The following STX8 variants were observed in gnomAD, a reference collection of about 807,000 sequenced individuals.
The protein encoded by STX8 is syntaxin-8.
A neutral mutation model predicts 37.5 loss-of-function variants in STX8; 23 were observed. That is an observed-to-expected ratio of 0.61 (90% confidence interval 0.44 to 0.87). STX8 has a LOEUF of 0.87. Ranked by LOEUF, STX8 falls within the 40% of genes least tolerant of loss-of-function variation. The pLI is 0.00. For missense variants in STX8, 313 were observed against 284.7 expected (o/e 1.10, Z -0.71); for synonymous variants, 115 against 99.1 (o/e 1.16, Z -0.95).
At chr17:9,375,063 CA>C (rs58594029) in intron 7 of STX8, among the ~76,000 whole-genome samples, 13,486 of 65,696 alleles carry the variant, frequency 0.21, 262 homozygotes, top group Non-Finnish European at 0.26. Context: ...GACTCTGTCT[CA>C]AAAAAAAAAA....
chr17:9,414,494 T>C (rs553153732), intron 6 of STX8, among the ~76,000 whole-genome samples: 1 of 152,306 alleles, frequency 6.6e-6, no homozygotes, highest in Non-Finnish European at 1.5e-5. Context: ...ACTTACCTCA[T>C]TGCAAACTGG....
At chr17:9,378,987 A>G (rs112500515) in intron 6 of STX8, among the ~76,000 whole-genome samples, 2,002 of 152,260 alleles carry the variant, frequency 0.013, 42 homozygotes, top group African/African-American at 0.046. Context: ...GCTCACGCCT[A>G]TAATCCCAGC....
At chr17:9,322,356 A>G (rs191341697) in intron 7 of STX8, among the ~76,000 whole-genome samples, 193 of 152,338 alleles carry the variant, frequency 1.3e-3, no homozygotes, top group African/African-American at 4.6e-3. Context: ...TTTCCTTTTG[A>G]AAGCACTAGG....
In STX8 at chr17:9,456,562, C is replaced by T. The variant is rs1891613151; in HGVS notation, c.541+35267G>A. On this transcript the variant is annotated intron_variant, in intron 6 of 7. Coordinates refer to ENST00000306357, the MANE Select transcript of STX8 (RefSeq NM_004853.3). The stretch of plus-strand genomic sequence containing the variant: ...TGGAAAAAGAGTCTATGTTTCCCTT[C>T]ATTTCTTCCTCTGCTTGAGCCATCC... 2.0e-5 allele frequency among the ~76,000 whole-genome samples: 3 copies of T among 152,170 alleles called. No individual in the cohort carries two copies. In the South Asian group the frequency reaches 6.2e-4, roughly 32 times the overall value.
At chr17:9,546,205 A>G (rs1301110276) in intron 3 of STX8, among the ~76,000 whole-genome samples, 1 of 152,226 alleles carries the variant, frequency 6.6e-6, no homozygotes, top group East Asian at 1.9e-4. Context: ...TACAAAGAGA[A>G]TCATTTTAAT....
intron 4 of STX8, among the ~76,000 whole-genome samples, chr17:9,534,759 G>A (rs538092409): frequency 3.3e-5 from 5 of 152,076 alleles, no homozygotes; most frequent in Admixed American, 3.3e-4. Flanking sequence ...CTGCACTCCA[G>A]CCTGGCGACA....
intron 6 of STX8, among the ~76,000 whole-genome samples, chr17:9,454,249 C>T (rs1311192729): frequency 1.3e-5 from 2 of 152,156 alleles, no homozygotes; most frequent in African/African-American, 4.8e-5. Flanking sequence ...AAGAGGGCTA[C>T]CAAATGACTC....
At chr17:9,317,197 AAG>A (rs1197922819) in intron 7 of STX8, among the ~76,000 whole-genome samples, 3 of 152,162 alleles carry the variant, frequency 2.0e-5, no homozygotes, top group Non-Finnish European at 2.9e-5. Flanking sequence ...TGGTGAAAGA[AAG>A]AGCTCTATAC....
chr17:9,330,491 T>G (rs955486883), intron 7 of STX8, among the ~76,000 whole-genome samples: 2 of 152,198 alleles, frequency 1.3e-5, no homozygotes, highest in African/African-American at 4.8e-5. Context: ...TAGTCCATCC[T>G]TGCGATGTAT....
chr17:9,552,258 CTT>C (rs1283427823), intron 3 of STX8, among the ~76,000 whole-genome samples: 2 of 152,198 alleles, frequency 1.3e-5, no homozygotes, highest in Non-Finnish European at 1.5e-5. Flanking sequence ...AGGAGGATCT[CTT>C]GAGGCCAGGA....
Position 9,504,043 on chromosome 17 carries a change from C to A in STX8, c.448+995G>T, listed in dbSNP as rs556187727. On this transcript the variant is annotated intron_variant, in intron 5 of 7. Coordinates refer to ENST00000306357, the MANE Select transcript of STX8 (RefSeq NM_004853.3). ...CCTCCCAAAGTGCTGGGATTACAGG[C>A]GTGAGCCACCACACCCAGCCGACAC... 2.0e-5 allele frequency among the ~76,000 whole-genome samples: 3 copies of A among 152,104 alleles called. No individual in the cohort carries two copies. The South Asian group carries it at 6.2e-4, about 32-fold the overall frequency.
chr17:9,516,174 T>C (rs970598336), intron 4 of STX8, among the ~76,000 whole-genome samples: 2 of 151,548 alleles, frequency 1.3e-5, no homozygotes, highest in African/African-American at 4.8e-5. Context: ...AACTTAATGT[T>C]GGAACCAGTC....
intron 4 of STX8, among the ~76,000 whole-genome samples, chr17:9,534,457 T>G (rs527883423): frequency 6.6e-6 from 1 of 152,292 alleles, no homozygotes; most frequent in Admixed American, 6.5e-5. Context: ...TTCTCTCTTT[T>G]GGAATTACAT....
intron 6 of STX8, among the ~76,000 whole-genome samples, chr17:9,406,841 G>A (rs970658195): frequency 6.6e-6 from 1 of 152,106 alleles, no homozygotes; most frequent in African/African-American, 2.4e-5. Flanking sequence ...AAGTGGAGCT[G>A]CATAGCTCCC....
intron 6 of STX8, among the ~76,000 whole-genome samples, chr17:9,454,385 A>T (rs1338912644): frequency 1.3e-5 from 2 of 152,182 alleles, no homozygotes; most frequent in African/African-American, 4.8e-5. Context: ...TTTAAAACTT[A>T]TGGGCCGGGC....
chr17:9,439,548 T>G (rs28565428), intron 6 of STX8, among the ~76,000 whole-genome samples: 40,444 of 147,930 alleles, frequency 0.27, 5,381 homozygotes, highest in African/African-American at 0.34. Flanking sequence ...TTTTTTTTTT[T>G]GCGGTGGTGT....
chr17:9,262,519 C>T (rs1907074177), intron 7 of STX8, among the ~76,000 whole-genome samples: 1 of 152,122 alleles, frequency 6.6e-6, no homozygotes, highest in Non-Finnish European at 1.5e-5. Flanking sequence ...CAACATCACT[C>T]AAATAAATTA....
chr17:9,296,371 G>A (rs1162480748), intron 7 of STX8, among the ~76,000 whole-genome samples: 1 of 152,112 alleles, frequency 6.6e-6, no homozygotes, highest in African/African-American at 2.4e-5. Flanking sequence ...GGTGGTGCGT[G>A]CCTGTAATCC....
At chr17:9,535,815 A>G (rs1243164724) in intron 4 of STX8, among the ~76,000 whole-genome samples, 1 of 152,212 alleles carries the variant, frequency 6.6e-6, no homozygotes, top group African/African-American at 2.4e-5. Context: ...TGTAATAGAA[A>G]AAGACTGAAA....
Sources: allele counts gnomAD v4.1 joint callset (sites outside exome capture counted in the v4.1 genomes callset), GRCh38; gene constraint gnomAD v4.1.1; transcripts MANE v1.5; gene names NCBI Gene and HGNC (gene_info 2026-07-23, HGNC 2026-07-21).